RBFOX1: variants seen among roughly 807,000 people sequenced by gnomAD.
The protein encoded by RBFOX1 is RNA binding protein fox-1 homolog 1.
In RBFOX1, 8 loss-of-function variants were observed where a neutral mutation model predicts 57.7. That is an observed-to-expected ratio of 0.14 (90% CI 0.08 to 0.25). The LOEUF (loss-of-function observed/expected upper bound fraction) is 0.25. Among genes scored for constraint, RBFOX1 ranks in the 10% least tolerant of loss-of-function variants. RBFOX1 has a pLI of 1.00. For missense variants in RBFOX1, 611 were observed against 548.5 expected (o/e 1.11, Z -1.14); for synonymous variants, 326 against 222.4 (o/e 1.47, Z -4.15).
intron 3 of RBFOX1, among the ~76,000 whole-genome samples, chr16:6,769,797 G>GT (rs759519512): frequency 4.9e-4 from 74 of 151,970 alleles, no homozygotes; most frequent in Middle Eastern, 3.4e-3. Flanking sequence ...AAAAGTCAGG[G>GT]TTTTTTTTGC....
chr16:6,277,956 T>C (rs922657421), intron 1 of RBFOX1, among the ~76,000 whole-genome samples: 1 of 152,188 alleles, frequency 6.6e-6, no homozygotes, highest in East Asian at 1.9e-4. Context: ...GCCCGGAGTT[T>C]AATTCCAAGT....
At chr16:5,884,238 C>T (rs2057839006) in intron 4 of RBFOX1, among the ~76,000 whole-genome samples, 1 of 152,264 alleles carries the variant, frequency 6.6e-6, no homozygotes, top group East Asian at 1.9e-4. Context: ...AGAGAACCTT[C>T]CCTTCATGCC....
At chr16:7,030,708 A>T (rs1427581911) in intron 3 of RBFOX1, among the ~76,000 whole-genome samples, 1 of 152,134 alleles carries the variant, frequency 6.6e-6, no homozygotes, top group African/African-American at 2.4e-5. Context: ...AAATAAGGCC[A>T]CATTCTGAGG....
intron 1 of RBFOX1, among the ~76,000 whole-genome samples, chr16:6,194,653 C>A (rs150255506): frequency 6.6e-6 from 1 of 152,148 alleles, no homozygotes; most frequent in Admixed American, 6.5e-5. Context: ...GCATTCTTTC[C>A]CTGAGTGCCA....
At chr16:6,847,841 G>T (rs1004769061) in intron 3 of RBFOX1, among the ~76,000 whole-genome samples, 11 of 151,928 alleles carry the variant, frequency 7.2e-5, no homozygotes, top group African/African-American at 2.7e-4. Context: ...CTTCCTTTTG[G>T]TGGTGGTTGT....
At chr16:5,439,629 T>C (rs1057148693) in intron 1 of RBFOX1, among the ~76,000 whole-genome samples, 4 of 152,032 alleles carry the variant, frequency 2.6e-5, no homozygotes, top group African/African-American at 9.7e-5. Context: ...ATTGTGCAGA[T>C]GATGGTGTCC....
rs7204362 is a variant in RBFOX1 at position 5,611,037 on chromosome 16, G to C, written c.318+12076G>C. On this transcript the variant is annotated intron_variant, in intron 3 of 19. Transcript: ENST00000641259. ...GGCCTCTGTGTCTCTCTACAGCCTAGTCTGTTTCCATATCTCCCCAGCAGA... is the reference window on the plus strand; with the variant it reads ...GGCCTCTGTGTCTCTCTACAGCCTACTCTGTTTCCATATCTCCCCAGCAGA... 8.0e-3 allele frequency among the ~76,000 whole-genome samples: 1,225 copies of C among 152,256 alleles called. 26 individuals carry two copies. Among genetic ancestry groups the C allele is most frequent in the African/African-American group, 0.028 (1,149 of 41,540 alleles).
intron 11 of RBFOX1, among the ~76,000 whole-genome samples, chr16:7,637,789 C>G (rs2062018335): frequency 6.6e-6 from 1 of 152,044 alleles, no homozygotes; most frequent in Non-Finnish European, 1.5e-5. Context: ...ATAACTAGCT[C>G]CGGGACTAGG....
At chr16:6,723,361 TAGC>T (rs2066435780) in intron 3 of RBFOX1, among the ~76,000 whole-genome samples, 1 of 152,156 alleles carries the variant, frequency 6.6e-6, no homozygotes, top group Non-Finnish European at 1.5e-5. Flanking sequence ...ACATTGAGTA[TAGC>T]ATGCAACTGT....
chr16:7,094,744 C>CTGTGTGTG (rs370249382), intron 4 of RBFOX1, among the ~76,000 whole-genome samples: 9,173 of 139,344 alleles, frequency 0.066, 371 homozygotes, highest in Middle Eastern at 0.099. Context: ...GACTGTACAG[C>CTGTGTGTG]TGTGTGTGTG....
chr16:6,722,588 C>T (rs537449148), intron 3 of RBFOX1, among the ~76,000 whole-genome samples: 1 of 152,290 alleles, frequency 6.6e-6, no homozygotes, highest in East Asian at 1.9e-4. Flanking sequence ...CTACAGACTT[C>T]TTTAGAATAA....
At chr16:6,338,113 A>G (rs945732891) in intron 2 of RBFOX1, among the ~76,000 whole-genome samples, 3 of 152,202 alleles carry the variant, frequency 2.0e-5, no homozygotes, top group African/African-American at 2.4e-5. Context: ...CTACTATCAG[A>G]TACTTTGGAT....
chr16:7,693,148 T>G (rs1027623111), intron 14 of RBFOX1, among the ~76,000 whole-genome samples: 2 of 152,108 alleles, frequency 1.3e-5, no homozygotes, highest in Non-Finnish European at 2.9e-5. Flanking sequence ...CCCCGCATGC[T>G]TATTTCATGA....
chr16:6,771,926 T>A (rs965673892), intron 3 of RBFOX1, among the ~76,000 whole-genome samples: 2 of 152,152 alleles, frequency 1.3e-5, no homozygotes, highest in Admixed American at 6.5e-5. Context: ...GAAGAGGTTA[T>A]CTCCTACTCT....
At chr16:7,254,655 A>T (rs565203645) in intron 4 of RBFOX1, among the ~76,000 whole-genome samples, 4 of 152,072 alleles carry the variant, frequency 2.6e-5, no homozygotes, top group Admixed American at 2.6e-4. Context: ...CTGTCTTCTG[A>T]TTGGAGGTGA....
chr16:7,005,811 C>T (rs1420650563), intron 3 of RBFOX1, among the ~76,000 whole-genome samples: 2 of 152,182 alleles, frequency 1.3e-5, no homozygotes, highest in African/African-American at 2.4e-5. Context: ...TTTTCTGGCT[C>T]ACATGAGTGA....
At chr16:5,953,598 C>G (rs1456525328) in intron 4 of RBFOX1, among the ~76,000 whole-genome samples, 1 of 152,012 alleles carries the variant, frequency 6.6e-6, no homozygotes, top group Non-Finnish European at 1.5e-5. Context: ...GATGTTTGGT[C>G]TTCCATTCCT....
At chr16:6,707,478 G>T (rs200345016) in intron 3 of RBFOX1, among the ~76,000 whole-genome samples, 1,538 of 127,984 alleles carry the variant, frequency 0.012, 13 homozygotes, top group African/African-American at 0.028. Context: ...TCCCATTTTT[G>T]TTTTTTTTTT....
In RBFOX1 at chr16:5,864,170, C is replaced by G. The variant is rs1262563922; in HGVS notation, c.319-3133C>G. Among the ~76,000 whole-genome samples, 2 of 152,312 alleles carry G rather than the reference C, an allele frequency of 1.3e-5. 1 individual carries two copies. The highest frequency in any genetic ancestry group is 6.8e-3 in the Middle Eastern group (2 of 294). On this transcript the variant is annotated intron_variant, in intron 3 of 19. Coordinates refer to the RBFOX1 transcript ENST00000641259. ...ATATGCAGTATTTGGTTTTCTGTTG[C>G]TGTGTTAGTTTGCTAAGGATAATGG...
Sources: gnomAD v4.1 joint callset for allele counts (sites outside exome capture counted in the v4.1 genomes callset) on GRCh38, gnomAD v4.1.1 for gene constraint, MANE v1.5 for transcripts, NCBI Gene and HGNC (gene_info 2026-07-23, HGNC 2026-07-21) for gene names.